The following SUGCT variants were observed in gnomAD, a reference collection of about 807,000 sequenced individuals.
SUGCT encodes the protein succinyl-CoA:glutarate CoA-transferase.
SUGCT carries 41 observed loss-of-function variants against 55.0 expected under a neutral mutation model. The observed-to-expected ratio is 0.74, with a 90% CI of 0.58 to 0.97. The LOEUF is 0.97. Ranked by LOEUF, SUGCT falls within the 50% of genes least tolerant of loss-of-function variation. The pLI is 0.00. For synonymous variants in SUGCT, 187 were observed against 200.4 expected (o/e 0.93, Z 0.56); for missense variants, 568 against 547.8 (o/e 1.04, Z -0.37).
At chr7:40,853,998 T>C (rs1793988722) in intron 13 of SUGCT, among the ~76,000 whole-genome samples, 1 of 152,218 alleles carries the variant, frequency 6.6e-6, no homozygotes, top group African/African-American at 2.4e-5. Context: ...TAAGAGCTGT[T>C]GAAGAGAATG....
the SUGCT span, among the ~76,000 whole-genome samples, chr7:41,011,583 C>T: frequency 6.6e-6 from 1 of 152,160 alleles, no homozygotes; most frequent in Non-Finnish European, 1.5e-5. Context: ...AACAATATTT[C>T]CCAAGTGTTT....
At chr7:41,010,058 A>T in the SUGCT span, among the ~76,000 whole-genome samples, 1 of 152,190 alleles carries the variant, frequency 6.6e-6, no homozygotes, top group African/African-American at 2.4e-5. Context: ...AGAGAGATGG[A>T]GAGTTCAGAT....
At chr7:40,961,096 C>G in the SUGCT span, among the ~76,000 whole-genome samples, 50,347 of 151,990 alleles carry the variant, frequency 0.33, 9,023 homozygotes, top group Admixed American at 0.45. Context: ...TACTGTAACT[C>G]ATGTGACTCC....
intron 9 of SUGCT, among the ~76,000 whole-genome samples, chr7:40,331,605 A>G (rs59337346): frequency 0.57 from 85,139 of 149,078 alleles, 23,954 homozygotes; most frequent in South Asian, 0.67. Context: ...GCCTGCTGCT[A>G]TCTTTATCTC....
the SUGCT span, among the ~76,000 whole-genome samples, chr7:40,994,406 C>T: frequency 7.7e-6 from 1 of 130,034 alleles, no homozygotes; most frequent in Non-Finnish European, 1.8e-5. Flanking sequence ...AGTCACCCCC[C>T]CATTTTGGAA....
intron 9 of SUGCT, among the ~76,000 whole-genome samples, chr7:40,420,495 T>G (rs908659248): frequency 2.6e-5 from 4 of 151,978 alleles, no homozygotes; most frequent in African/African-American, 9.7e-5. Flanking sequence ...CCCGCCACCA[T>G]GCCCAGCTAA....
intron 7 of SUGCT, among the ~76,000 whole-genome samples, chr7:40,249,348 A>G (rs1212988601): frequency 1.0e-4 from 7 of 69,432 alleles, no homozygotes; most frequent in African/African-American, 3.9e-4. Flanking sequence ...TATATATATA[A>G]TTATATTATA....
chr7:40,607,719 G>A (rs535977775), intron 12 of SUGCT, among the ~76,000 whole-genome samples: 50 of 152,220 alleles, frequency 3.3e-4, no homozygotes, highest in African/African-American at 1.1e-3. Flanking sequence ...TGCATACTAG[G>A]TGCCAGGAAA....
At chr7:40,858,059 C>T (rs1678497910) in intron 13 of SUGCT, among the ~76,000 whole-genome samples, 1 of 152,140 alleles carries the variant, frequency 6.6e-6, no homozygotes, top group South Asian at 2.1e-4. Flanking sequence ...CCATTTCCTT[C>T]AATGTCCTAA....
the SUGCT span, among the ~76,000 whole-genome samples, chr7:40,904,580 A>G: frequency 6.6e-6 from 1 of 152,226 alleles, no homozygotes; most frequent in Admixed American, 6.5e-5. Flanking sequence ...TAACAGGGAC[A>G]GAGTTTCATT....
chr7:40,302,650 A>G (rs1209351945), intron 8 of SUGCT, among the ~76,000 whole-genome samples: 2 of 152,242 alleles, frequency 1.3e-5, no homozygotes, highest in Non-Finnish European at 2.9e-5. Flanking sequence ...CAAGGCCAAC[A>G]GGAGCATGAC....
intron 13 of SUGCT, among the ~76,000 whole-genome samples, chr7:40,806,564 C>G (rs551812215): frequency 6.6e-6 from 1 of 152,058 alleles, no homozygotes; most frequent in East Asian, 1.9e-4. Context: ...TATACCCATC[C>G]TTGGTTTTCC....
intron 13 of SUGCT, among the ~76,000 whole-genome samples, chr7:40,753,781 C>T (rs1006221851): frequency 1.3e-5 from 2 of 152,132 alleles, no homozygotes; most frequent in Non-Finnish European, 2.9e-5. Context: ...CTGGTCAACT[C>T]GTGTTTAATA....
intron 13 of SUGCT, among the ~76,000 whole-genome samples, chr7:40,845,784 C>G (rs890450598): frequency 5.9e-5 from 9 of 152,248 alleles, no homozygotes; most frequent in South Asian, 4.1e-4. Flanking sequence ...TCTTGATTCT[C>G]TCTTTGCTTG....
the SUGCT span, among the ~76,000 whole-genome samples, chr7:40,869,771 CTT>C: frequency 6.6e-6 from 1 of 151,864 alleles, no homozygotes; most frequent in South Asian, 2.1e-4. Flanking sequence ...TCCAATCTTT[CTT>C]TGTTTAATTA....
chr7:40,868,823 C>T, the SUGCT span, among the ~76,000 whole-genome samples: 1 of 152,172 alleles, frequency 6.6e-6, no homozygotes, highest in Non-Finnish European at 1.5e-5. Context: ...GCTCGGATTA[C>T]AGGTGTGAGC....
At chr7:40,920,936 G>A in the SUGCT span, among the ~76,000 whole-genome samples, 1 of 152,208 alleles carries the variant, frequency 6.6e-6, no homozygotes, top group Non-Finnish European at 1.5e-5. Context: ...TAATTAAATT[G>A]CAGTCCCATT....
intron 1 of SUGCT, among the ~76,000 whole-genome samples, chr7:40,142,221 G>C (rs902442984): frequency 6.6e-6 from 1 of 152,140 alleles, no homozygotes; most frequent in Non-Finnish European, 1.5e-5. Context: ...GAATGAGTCA[G>C]GGTAGAGCAG....
chr7:40,621,889 G>A (rs965162560), intron 12 of SUGCT, among the ~76,000 whole-genome samples: 1 of 152,114 alleles, frequency 6.6e-6, no homozygotes, highest in Non-Finnish European at 1.5e-5. Context: ...AATTGAGATT[G>A]GAAAATATGA....
Sources: allele counts gnomAD v4.1 joint callset (sites outside exome capture counted in the v4.1 genomes callset), GRCh38; gene constraint gnomAD v4.1.1; transcripts MANE v1.5; gene names NCBI Gene and HGNC (gene_info 2026-07-23, HGNC 2026-07-21).